The following EML4 variants were observed in gnomAD, a reference collection of about 807,000 sequenced individuals.
EML4 encodes EMAP like 4, also known as echinoderm microtubule-associated protein-like 4.
A neutral mutation model predicts 129.0 loss-of-function variants in EML4; 72 were observed. The ratio of observed to expected loss-of-function variants is 0.56; its 90% confidence interval spans 0.46 to 0.68. The LOEUF is 0.68. EML4 is among the 30% of genes least tolerant of loss of function. EML4 has a pLI of 0.00. For missense variants in EML4, 1,363 were observed against 1,190.6 expected, an observed-to-expected ratio of 1.14 and a Z score of -2.13; for synonymous variants, 532 against 405.0, an observed-to-expected ratio of 1.31 and a Z score of -3.77.
intron 22 of EML4, among the ~76,000 whole-genome samples, chr2:42,329,304 A>G (rs1311669630): frequency 6.6e-6 from 1 of 152,152 alleles, no homozygotes; most frequent in East Asian, 1.9e-4. Flanking sequence ...AATCTCTCCT[A>G]AATATTTTAA....
rs188920378 is a variant in EML4 at position 42,291,343 on chromosome 2, A to T, written c.1218+3021A>T. ...ATTTCTTAAGGCATATAAAGTACTAACCATAATGGGAGAAAAAGATAAATC... is the reference window on the plus strand; with the variant it reads ...ATTTCTTAAGGCATATAAAGTACTATCCATAATGGGAGAAAAAGATAAATC... On this transcript the variant is annotated intron_variant, in intron 11 of 22. Coordinates refer to ENST00000318522, the MANE Select transcript of EML4 (RefSeq NM_019063.5). Among the ~76,000 whole-genome samples, 62 of 152,210 alleles carry T rather than the reference A, an allele frequency of 4.1e-4. 1 individual carries two copies. Among genetic ancestry groups the T allele is most frequent in the Middle Eastern group, 3.4e-3 (1 of 292 alleles).
chr2:42,321,484 T>C (rs1161494361), intron 19 of EML4, among the ~76,000 whole-genome samples: 37 of 152,220 alleles, frequency 2.4e-4, no homozygotes, highest in Non-Finnish European at 7.4e-5. Flanking sequence ...TTCTAAGCCA[T>C]CTTATTAGTA....
intron 1 of EML4, among the ~76,000 whole-genome samples, chr2:42,178,800 A>C (rs1212782640): frequency 6.6e-6 from 1 of 152,190 alleles, no homozygotes; most frequent in Admixed American, 6.5e-5. Context: ...ATTGCACTAT[A>C]GCGCTTCTAA....
At chr2:42,169,842 C>A (rs1407977215) in intron 1 of EML4, 2 of 470,554 alleles carry the variant, frequency 4.3e-6, no homozygotes, top group East Asian at 7.1e-5. Flanking sequence ...TGTGTCAGAC[C>A]CTCCTTTCCT....
At chr2:42,223,085 G>A (rs1378122885) in intron 1 of EML4, among the ~76,000 whole-genome samples, 3 of 152,080 alleles carry the variant, frequency 2.0e-5, no homozygotes, top group Non-Finnish European at 4.4e-5. Context: ...GATTACAGAC[G>A]TGAGCCACCG....
rs745751783 is a variant in EML4, at chr2:42,330,308, A to G, written c.*101A>G. The G allele has an allele frequency of 1.4e-4, 150 of 1,105,080 alleles. 8 individuals are homozygous for G. The South Asian group carries it at 1.9e-3, about 14-fold the overall frequency. 68.5% of individuals were successfully genotyped at this position (1,105,080 alleles called of 1,614,324 possible). Reference sequence around the variant, plus strand: ...AGTGATGGAGAATCACTGTTGATTGAGATTTTGGTTTCCATGTGATTTGTT... The same window carrying G: ...AGTGATGGAGAATCACTGTTGATTGGGATTTTGGTTTCCATGTGATTTGTT... On this transcript the variant is annotated 3_prime_UTR_variant, in exon 23 of 23. Coordinates refer to ENST00000318522, the MANE Select transcript of EML4 (RefSeq NM_019063.5).
At chr2:42,295,289 G>C in intron 12 of EML4, 30 bp downstream of exon 12, 1 of 1,603,974 alleles carries the variant, frequency 6.2e-7, no homozygotes, top group East Asian at 2.2e-5. Context: ...AATGTCATTA[G>C]GTGTATAAGA....
chr2:42,215,105 G>C (rs891130389), intron 1 of EML4, among the ~76,000 whole-genome samples: 1 of 152,148 alleles, frequency 6.6e-6, no homozygotes, highest in South Asian at 2.1e-4. Flanking sequence ...TGTCACCCAG[G>C]TTGGAATGCA....
chr2:42,220,685 G>A (rs1214860531), intron 1 of EML4, among the ~76,000 whole-genome samples: 1 of 152,148 alleles, frequency 6.6e-6, no homozygotes, highest in East Asian at 1.9e-4. Flanking sequence ...AAATGATGAA[G>A]CTTAGATGAA....
chr2:42,195,934 A>T (rs767898105), intron 1 of EML4, among the ~76,000 whole-genome samples: 1 of 152,114 alleles, frequency 6.6e-6, no homozygotes, highest in East Asian at 1.9e-4. Flanking sequence ...CTGTAGGAGG[A>T]TCATTTACTC....
Position 42,304,167 on chromosome 2 carries a change from C to G in EML4, c.1900-317C>G, listed in dbSNP as rs576334682. Among the ~76,000 whole-genome samples the G allele has an allele frequency of 1.2e-4, 18 of 152,260 alleles. No individual in the cohort carries two copies. The South Asian group carries it at 1.2e-3, about 11-fold the overall frequency. On this transcript the variant is annotated intron_variant, in intron 16 of 22. Transcript: ENST00000318522. ...TCTACCCAACCCAGATATCCACCTT[C>G]TCTAGCCCAAGAGGTGTATATAAGT...
intron 1 of EML4, among the ~76,000 whole-genome samples, chr2:42,224,827 A>G (rs1394615264): frequency 6.6e-6 from 1 of 152,134 alleles, no homozygotes; most frequent in Non-Finnish European, 1.5e-5. Context: ...TTTATAGTTC[A>G]GTGTTATTAA....
chr2:42,246,173 T>C (rs1675389893), intron 2 of EML4, among the ~76,000 whole-genome samples: 2 of 152,234 alleles, frequency 1.3e-5, no homozygotes, highest in African/African-American at 2.4e-5. Context: ...CCCAGTATAA[T>C]GGGACTTCTA....
chr2:42,180,928 C>T (rs1366508737), intron 1 of EML4, among the ~76,000 whole-genome samples: 1 of 152,154 alleles, frequency 6.6e-6, no homozygotes, highest in African/African-American at 2.4e-5. Context: ...AGTTGCCCTC[C>T]AGTTGTTTTG....
intron 2 of EML4, among the ~76,000 whole-genome samples, chr2:42,247,546 T>G (rs1675492633): frequency 6.6e-6 from 1 of 152,114 alleles, no homozygotes; most frequent in Non-Finnish European, 1.5e-5. Flanking sequence ...ATCTTTTTCA[T>G]TAGTGATAGT....
rs374128577 is a variant in EML4, at chr2:42,328,914, A to G, written c.2370A>G (p.Thr790=). The change falls in exon 22 of 23, where the codon ACA becomes ACG. Residue 790 remains threonine, a synonymous_variant. Transcript: ENST00000318522. ...FGVWPEGSDG[T]DINALVRSHN... is the part of the protein sequence containing the mutation. Reference sequence around the variant, plus strand: ...TCTGGCCAGAAGGATCTGATGGGACAGATATCAATGCACTGGTGCGATCCC... The same window carrying G: ...TCTGGCCAGAAGGATCTGATGGGACGGATATCAATGCACTGGTGCGATCCC... 3 of 1,612,970 alleles carry G rather than the reference A, an allele frequency of 1.9e-6. No individual in the cohort carries two copies. Among genetic ancestry groups the G allele is most frequent in the African/African-American group, 1.3e-5 (1 of 74,906 alleles).
intron 1 of EML4, among the ~76,000 whole-genome samples, chr2:42,203,831 C>G (rs1481824192): frequency 6.6e-6 from 1 of 152,050 alleles, no homozygotes; most frequent in African/African-American, 2.4e-5. Context: ...ACTATAGTAA[C>G]TATAGTGGTA....
chr2:42,233,532 C>T (rs186666324), intron 1 of EML4, among the ~76,000 whole-genome samples: 5 of 151,800 alleles, frequency 3.3e-5, no homozygotes, highest in Non-Finnish European at 7.4e-5. Context: ...TGGTCTCAAT[C>T]TCCTGACCTC....
Position 42,330,433 on chromosome 2 carries a change from C to T in EML4, c.*226C>T. On this transcript the variant is annotated 3_prime_UTR_variant, in exon 23 of 23. Coordinates refer to ENST00000318522, the MANE Select transcript of EML4 (RefSeq NM_019063.5). ...AACCAAACTTAATACTAGGAGAAGACTGAATCATTAATGATGTCTCACAAA... is the reference window on the plus strand; with the variant it reads ...AACCAAACTTAATACTAGGAGAAGATTGAATCATTAATGATGTCTCACAAA... The T allele has an allele frequency of 1.6e-6, 1 of 608,380 alleles. No homozygotes were observed. 37.7% of individuals were successfully genotyped at this position (608,380 alleles called of 1,614,324 possible). A position where few individuals can be genotyped will look rare whatever the true frequency, so the allele number is the denominator to read the frequency against.
Sources: allele counts gnomAD v4.1 joint callset (sites outside exome capture counted in the v4.1 genomes callset), GRCh38; gene constraint gnomAD v4.1.1; transcripts MANE v1.5; gene names NCBI Gene and HGNC (gene_info 2026-07-23, HGNC 2026-07-21).